Variants in RDX observed in about 807,000 individuals in gnomAD.
RDX encodes the protein deafness, autosomal recessive 24.
RDX carries 32 observed loss-of-function variants against 83.7 expected under a neutral mutation model. The observed-to-expected ratio is 0.38, with a 90% CI of 0.29 to 0.51. The LOEUF (loss-of-function observed/expected upper bound fraction) is 0.51. Among genes scored for constraint, RDX ranks in the 20% least tolerant of loss-of-function variants. The pLI, the probability that RDX is intolerant of heterozygous loss-of-function variation, is 0.87. For synonymous variants in RDX, 229 were observed against 222.7 expected (o/e 1.03, Z -0.25); for missense variants, 600 against 689.9 (o/e 0.87, Z 1.46).
intron 3 of RDX, among the ~76,000 whole-genome samples, chr11:110,268,044 T>G (rs749483478): frequency 3.9e-5 from 6 of 152,048 alleles, no homozygotes; most frequent in Non-Finnish European, 8.8e-5. Context: ...GCACGGTGGC[T>G]CACGCCTGTA....
chr11:110,203,143 T>G lies in RDX; in HGVS notation c.1749-3465A>C, dbSNP rs145575747. On this transcript the variant is annotated intron_variant, in intron 14 of 15. Transcript: ENST00000528498. ...TCAACAGATGAATGGATAAAGAAAA[T>G]GTGGTACTTGCATACAATGGAGTAC... Among the ~76,000 whole-genome samples the G allele has an allele frequency of 6.3e-4, 96 of 152,134 alleles. 1 individual carries two copies. In the East Asian group the frequency reaches 0.014, roughly 22 times the overall value.
At chr11:110,215,557 G>C (rs976405083) in intron 14 of RDX, among the ~76,000 whole-genome samples, 1 of 152,100 alleles carries the variant, frequency 6.6e-6, no homozygotes, top group Non-Finnish European at 1.5e-5. Context: ...GGTTCAAGGA[G>C]GTTGGTCTTC....
At chr11:110,221,916 A>C (rs1373764827) in intron 14 of RDX, among the ~76,000 whole-genome samples, 1 of 152,104 alleles carries the variant, frequency 6.6e-6, no homozygotes, top group African/African-American at 2.4e-5. Context: ...CAGAGTTGCA[A>C]AGTCTCATCT....
In RDX at chr11:110,248,040, T is replaced by C. The variant is rs561579845; in HGVS notation, c.960-207A>G. Among the ~76,000 whole-genome samples, 20 of 152,256 alleles carry C rather than the reference T, an allele frequency of 1.3e-4. No individual in the cohort carries two copies. The South Asian group carries it at 4.1e-3, about 32-fold the overall frequency. Reference sequence around the variant, plus strand: ...ATAAGTGGGAGCTAAGCTATGAGGATGCAAAGACAGAGTAATATAATCGAC... The same window carrying C: ...ATAAGTGGGAGCTAAGCTATGAGGACGCAAAGACAGAGTAATATAATCGAC... On this transcript the variant is annotated intron_variant, in intron 9 of 13. Transcript: ENST00000645495.
chr11:110,287,636 G>A (rs1861039809), intron 1 of RDX, among the ~76,000 whole-genome samples: 2 of 152,056 alleles, frequency 1.3e-5, no homozygotes, highest in Admixed American at 1.3e-4. Context: ...AGAATTTTTA[G>A]CTCCATTTTG....
intron 15 of RDX, among the ~76,000 whole-genome samples, chr11:110,191,242 A>C (rs1188761935): frequency 6.6e-6 from 1 of 152,258 alleles, no homozygotes; most frequent in East Asian, 1.9e-4. Context: ...CAAGTCAGCT[A>C]TATTACTGGG....
intron 3 of RDX, among the ~76,000 whole-genome samples, chr11:110,268,908 T>C (rs1860174313): frequency 6.6e-6 from 1 of 151,378 alleles, no homozygotes; most frequent in African/African-American, 2.4e-5. Flanking sequence ...TTACATACTA[T>C]CATGCTAATA....
intron 15 of RDX, among the ~76,000 whole-genome samples, chr11:110,177,394 C>T (rs935682254): frequency 6.6e-6 from 1 of 152,156 alleles, no homozygotes; most frequent in African/African-American, 2.4e-5. Context: ...TCTTTTAACC[C>T]ACCACACAGG....
intron 15 of RDX, among the ~76,000 whole-genome samples, chr11:110,177,233 G>C (rs1451752349): frequency 6.6e-6 from 1 of 152,258 alleles, no homozygotes; most frequent in African/African-American, 2.4e-5. Flanking sequence ...GCTGAGGCCT[G>C]AGGCCGCGAC....
chr11:110,224,812 C>T (rs369783975), downstream of RDX, among the ~76,000 whole-genome samples: 12 of 152,296 alleles, frequency 7.9e-5, no homozygotes, highest in East Asian at 2.1e-3. Context: ...TCCATGGCCA[C>T]GGCCTTTCTT....
Position 110,258,123 on chromosome 11 carries a change from T to C in RDX, c.534A>G (p.Glu178=), listed in dbSNP as rs1416148745. 1 of 1,610,142 alleles carries C rather than the reference T, an allele frequency of 6.2e-7. No homozygotes were observed. Among genetic ancestry groups the C allele is most frequent in the East Asian group, 2.2e-5 (1 of 44,708 alleles). Residue 178 remains glutamate (E), a synonymous_variant, in exon 6 of 14, where the codon GAA becomes GAG. Coordinates refer to ENST00000645495, the MANE Select transcript of RDX (RefSeq NM_002906.4). Reference sequence around the variant, plus strand: ...CCAAATACCTTAACATTCCTCTATGTTCTTCATGCCAGTTCTGTATTCTTT... The same window carrying C: ...CCAAATACCTTAACATTCCTCTATGCTCTTCATGCCAGTTCTGTATTCTTT... ...WEERIQNWHE[E]HRGMLREDSM...
chr11:110,223,946 AC>A (rs1242572496), intron 14 of RDX, among the ~76,000 whole-genome samples: 1 of 151,904 alleles, frequency 6.6e-6, no homozygotes, highest in Non-Finnish European at 1.5e-5. Context: ...AATTGCTTGA[AC>A]CCAGGAGGCC....
chr11:110,182,164 A>AACTC (rs1862900616), intron 15 of RDX, among the ~76,000 whole-genome samples: 1 of 152,196 alleles, frequency 6.6e-6, no homozygotes, highest in African/African-American at 2.4e-5. Context: ...AGGACTACTG[A>AACTC]GCTCCACAGA....
In RDX at chr11:110,230,237, T is replaced by C. The variant is rs1864570060; in HGVS notation, c.*1632A>G. 2.6e-5 allele frequency: 4 copies of C among 152,116 alleles called. No homozygotes were observed. The South Asian group carries it at 8.3e-4, about 32-fold the overall frequency. The allele number at this position is 152,116 out of a possible 1,614,324, so 9.4% of individuals were successfully genotyped here. The stretch of plus-strand genomic sequence containing the variant: ...GTAAATTTGACTGTGTAATACCAAA[T>C]GGAAAGTAGCTGAACCACACAGAGA... On this transcript the variant is annotated 3_prime_UTR_variant, in exon 14 of 14. Transcript: ENST00000645495.
chr11:110,254,162 A>G (rs1859449587), intron 8 of RDX, 53 bp from the exon 9 acceptor site: 8 of 1,462,244 alleles, frequency 5.5e-6, no homozygotes, highest in African/African-American at 2.8e-5. Flanking sequence ...ACTGTCTCTC[A>G]TAACAATCTG....
chr11:110,240,672 G>A (rs1313053365), intron 10 of RDX, among the ~76,000 whole-genome samples: 4 of 150,060 alleles, frequency 2.7e-5, no homozygotes, highest in Non-Finnish European at 5.9e-5. Flanking sequence ...GTGAACCCGG[G>A]AGGCGGAGCT....
intron 4 of RDX, 134 bp downstream of exon 4, chr11:110,264,645 A>AG: frequency 1.6e-6 from 1 of 612,350 alleles, no homozygotes; most frequent in Non-Finnish European, 2.8e-6. Context: ...ATTTAAAAAA[A>AG]CATGGTACCT....
chr11:110,271,253 T>C (rs1416126290), intron 3 of RDX, among the ~76,000 whole-genome samples: 1 of 152,216 alleles, frequency 6.6e-6, no homozygotes, highest in East Asian at 1.9e-4. Context: ...TTTGAATCTG[T>C]ATTTGACAGA....
chr11:110,190,960 G>A (rs1307496386), intron 15 of RDX, among the ~76,000 whole-genome samples: 1 of 152,112 alleles, frequency 6.6e-6, no homozygotes. Flanking sequence ...AAACCCAGCA[G>A]CCAAGAAAAG....
Sources: gnomAD v4.1 joint callset for allele counts (sites outside exome capture counted in the v4.1 genomes callset) on GRCh38, gnomAD v4.1.1 for gene constraint, MANE v1.5 for transcripts, NCBI Gene and HGNC (gene_info 2026-07-23, HGNC 2026-07-21) for gene names.